ZFPM1: variants seen among roughly 807,000 people sequenced by gnomAD.
The protein encoded by ZFPM1 is zinc finger protein, FOG family member 1, also known as zinc finger protein ZFPM1.
Under a neutral mutation model 46.3 loss-of-function variants are expected in ZFPM1, and 28 were observed. That is an observed-to-expected ratio of 0.60 (90% CI 0.45 to 0.83). The LOEUF is 0.83. Ranked by LOEUF, ZFPM1 falls within the 40% of genes least tolerant of loss-of-function variation. ZFPM1 has a pLI of 0.00. For missense variants in ZFPM1, 1,878 were observed against 1,432.4 expected (o/e 1.31, Z -5.02); for synonymous variants, 957 against 675.9 (o/e 1.42, Z -6.45).
At chr16:88,489,437 G>T in intron 3 of ZFPM1, 1 of 388,932 alleles carries the variant, frequency 2.6e-6, no homozygotes, top group South Asian at 5.0e-5. Context: ...GATCCAGAGT[G>T]GTGGCTGGTA....
chr16:88,519,752 G>A (rs1360548250), intron 4 of ZFPM1, among the ~76,000 whole-genome samples: 1 of 147,796 alleles, frequency 6.8e-6, no homozygotes, highest in Non-Finnish European at 1.5e-5. Context: ...ATGAATAGAT[G>A]GACAGATGGA....
At chr16:88,504,841 C>T (rs905706589) in intron 3 of ZFPM1, among the ~76,000 whole-genome samples, 1 of 152,202 alleles carries the variant, frequency 6.6e-6, no homozygotes, top group African/African-American at 2.4e-5. Context: ...CCCACTGCCC[C>T]TGTGGGGCCA....
At chr16:88,485,604 T>G (rs966502296) in intron 1 of ZFPM1, among the ~76,000 whole-genome samples, 5 of 152,110 alleles carry the variant, frequency 3.3e-5, no homozygotes, top group Middle Eastern at 3.4e-3. Context: ...CACACCCAGC[T>G]AATTTTTGTA....
chr16:88,483,004 C>A (rs370243475), intron 1 of ZFPM1, among the ~76,000 whole-genome samples: 5 of 152,192 alleles, frequency 3.3e-5, no homozygotes, highest in Non-Finnish European at 7.4e-5. Context: ...GTTGGGCCTC[C>A]TGTCCCAGGG....
In ZFPM1 at chr16:88,534,879, G is replaced by T; in HGVS notation, c.2921G>T (p.Arg974Leu). Residue 974 changes from arginine (R) to leucine (L), a missense_variant, in exon 10 of 10, where the codon CGG becomes CTG. Coordinates refer to ENST00000319555, the MANE Select transcript of ZFPM1 (RefSeq NM_153813.3). ...GCGCCGCTGCCCAACGGCAACCACC[G>T]GTACTGCCGTCTTTGCAACATCAAG... is the stretch of plus-strand genomic sequence containing the variant. Reference protein sequence around the residue: ...TPAPLPNGNHRYCRLCNIKFS... With the variant: ...TPAPLPNGNHLYCRLCNIKFS... The T allele has an allele frequency of 6.4e-7, 1 of 1,567,440 alleles. No homozygotes were observed. The highest frequency in any genetic ancestry group is 8.6e-7 in the Non-Finnish European group (1 of 1,161,930).
In ZFPM1 at chr16:88,535,663, C is replaced by T. The variant is rs1913218863; in HGVS notation, c.*684C>T. On this transcript the variant is annotated 3_prime_UTR_variant, in exon 10 of 10. Coordinates refer to ENST00000319555, the MANE Select transcript of ZFPM1 (RefSeq NM_153813.3). ...GAGGGAGACCGAGGCCGAAGCATTCCCTGGCCTCGAGGGGGTCCTGATGCT... is the reference window on the plus strand; with the variant it reads ...GAGGGAGACCGAGGCCGAAGCATTCTCTGGCCTCGAGGGGGTCCTGATGCT... The T allele has an allele frequency of 6.6e-6, 1 of 152,326 alleles. No homozygotes were observed. Among genetic ancestry groups the T allele is most frequent in the Non-Finnish European group, 1.5e-5 (1 of 68,110 alleles). The allele number at this position is 152,326 out of a possible 1,614,324, so 9.4% of individuals were successfully genotyped here.
chr16:88,451,926 C>G (rs980941706), upstream of ZFPM1, among the ~76,000 whole-genome samples: 80 of 152,186 alleles, frequency 5.3e-4, no homozygotes, highest in Non-Finnish European at 5.4e-4. Flanking sequence ...CTCTCCTGTA[C>G]CAGGCTCTGA....
In ZFPM1 at chr16:88,534,386, G is replaced by A; in HGVS notation, c.2428G>A (p.Ala810Thr). ...KPRRPLPGAPAPALADYHECT... is the reference protein window; with the variant it reads ...KPRRPLPGAPTPALADYHECT... ...GCGGCGCCCGCTCCCCGGAGCCCCG[G>A]CACCGGCGCTGGCCGACTACCACGA... The change falls in exon 10 of 10, where the codon GCA becomes ACA. Residue 810 changes from alanine to threonine, a missense_variant. Ala to Thr is a moderately conservative substitution (Grantham distance 58). Coordinates refer to ENST00000319555, the MANE Select transcript of ZFPM1 (RefSeq NM_153813.3). 2.1e-6 allele frequency: 3 copies of A among 1,462,550 alleles called. No individual in the cohort carries two copies. Among genetic ancestry groups the A allele is most frequent in the Non-Finnish European group, 2.7e-6 (3 of 1,112,750 alleles). 90.6% of individuals were successfully genotyped at this position (1,462,550 alleles called of 1,614,324 possible).
rs563913475 is a variant in ZFPM1, at chr16:88,486,068, C to T, written c.145+25C>T. On this transcript the variant is annotated intron_variant, in intron 2 of 9. Coordinates refer to ENST00000319555, the MANE Select transcript of ZFPM1 (RefSeq NM_153813.3). ...GGTGAGTCAGACTGAGCCCTCTCAC[C>T]GCGCCTCCAGCCGGGGCCTCCATTG... is the stretch of plus-strand genomic sequence containing the variant. 23 of 1,599,056 alleles carry T rather than the reference C, an allele frequency of 1.4e-5. No individual in the cohort carries two copies. The East Asian group carries it at 1.6e-4, about 11-fold the overall frequency.
Position 88,533,750 on chromosome 16 carries a change from C to A in ZFPM1, c.1792C>A (p.Leu598Ile). 1 of 1,483,460 alleles carries A rather than the reference C, an allele frequency of 6.7e-7. No homozygotes were observed. Among genetic ancestry groups the A allele is most frequent in the Non-Finnish European group, 9.0e-7 (1 of 1,110,758 alleles). 91.9% of individuals were successfully genotyped at this position (1,483,460 alleles called of 1,614,324 possible). ...CAACAACTACTACGTGCACAAGCGC[C>A]TCTACTGTTCAGGCCGCCGTGCGCC... ...NVNNYYVHKR[L>I]YCSGRRAPED... Residue 598 changes from leucine (L) to isoleucine (I), a missense_variant, in exon 10 of 10, where the codon CTC (leucine) becomes ATC (isoleucine). By Grantham distance (5) the Leu-to-Ile change is conservative. Coordinates refer to ENST00000319555, the MANE Select transcript of ZFPM1 (RefSeq NM_153813.3).
chr16:88,453,837 TCTC>T (rs1455463003), intron 1 of ZFPM1, among the ~76,000 whole-genome samples, 159 bp downstream of exon 1: 2 of 151,178 alleles, frequency 1.3e-5, no homozygotes, highest in Admixed American at 6.6e-5. Context: ...CGTAATCTAA[TCTC>T]CGCCGGCGGC....
chr16:88,529,842 G>T lies in ZFPM1; in HGVS notation c.712+1604G>T, dbSNP rs578160877. 2.6e-5 allele frequency among the ~76,000 whole-genome samples: 4 copies of T among 152,326 alleles called. No individual in the cohort carries two copies. In the East Asian group the frequency reaches 7.7e-4, roughly 29 times the overall value. On this transcript the variant is annotated intron_variant, in intron 6 of 9. Coordinates refer to ENST00000319555, the MANE Select transcript of ZFPM1 (RefSeq NM_153813.3). ...AGGGGCCAGCTGGCCAGAGGGGGAT[G>T]GGCTTGTGTGCCTGGTAGCCAGGAC...
chr16:88,531,935 G>A (rs1418578406), intron 6 of ZFPM1, 67 bp from the exon 7 acceptor site: 19 of 1,478,536 alleles, frequency 1.3e-5, no homozygotes, highest in Middle Eastern at 2.2e-4. Flanking sequence ...CCCTGCCTCC[G>A]CCCACAGCCT....
At position 88,501,240 on chromosome 16, in the gene ZFPM1, C is replaced by A. The variant is rs12920431; in HGVS notation, c.268+12087C>A. ...GATAGCGGGTGTGGGTGCATGGGCT[C>A]TCCCGCAGGTACTGGTGATGATGGA... On this transcript the variant is annotated intron_variant, in intron 3 of 9. Transcript: ENST00000319555. 8.3e-4 allele frequency among the ~76,000 whole-genome samples: 77 copies of A among 92,650 alleles called. 1 individual carries two copies. Among genetic ancestry groups the A allele is most frequent in the African/African-American group, 1.8e-3 (37 of 20,400 alleles). The allele number at this position is 92,650 out of a possible 152,430, so 60.8% of individuals were successfully genotyped here. A position where few individuals can be genotyped will look rare whatever the true frequency, so the allele number is the denominator to read the frequency against.
intron 6 of ZFPM1, among the ~76,000 whole-genome samples, chr16:88,531,445 G>C (rs1472479670): frequency 6.6e-6 from 1 of 152,174 alleles, no homozygotes; most frequent in Non-Finnish European, 1.5e-5. Flanking sequence ...AGCCGCCCAG[G>C]TGTGTGGGCG....
intron 7 of ZFPM1, 98 bp downstream of exon 7, chr16:88,532,333 G>C: frequency 8.2e-7 from 1 of 1,220,818 alleles, no homozygotes; most frequent in African/African-American, 1.5e-5. Context: ...AGCACACACG[G>C]TGCCACCATT....
intron 1 of ZFPM1, among the ~76,000 whole-genome samples, chr16:88,465,467 CA>C (rs1395063766): frequency 2.0e-5 from 3 of 152,246 alleles, no homozygotes; most frequent in Non-Finnish European, 2.9e-5. Context: ...CCCCACCTGT[CA>C]AATGAGTGGG....
Position 88,535,055 on chromosome 16 carries a change from G to A in ZFPM1, c.*76G>A. 7.5e-7 allele frequency: 1 copy of A among 1,341,316 alleles called. No individual in the cohort carries two copies. Among genetic ancestry groups the A allele is most frequent in the Non-Finnish European group, 9.6e-7 (1 of 1,040,460 alleles). The allele number at this position is 1,341,316 out of a possible 1,614,324, so 83.1% of individuals were successfully genotyped here. A position where few individuals can be genotyped will look rare whatever the true frequency, so the allele number is the denominator to read the frequency against. ...GAGGGGGCCGCCCCCAGGCCGCACG[G>A]ACTGCCGCTCCTGGGAACCCCGCCA... is the stretch of plus-strand genomic sequence containing the variant. On this transcript the variant is annotated 3_prime_UTR_variant, in exon 10 of 10. Coordinates refer to ENST00000319555, the MANE Select transcript of ZFPM1 (RefSeq NM_153813.3).
intron 3 of ZFPM1, among the ~76,000 whole-genome samples, chr16:88,502,116 C>G (rs937681996): frequency 7.2e-6 from 1 of 138,848 alleles, no homozygotes; most frequent in Non-Finnish European, 1.5e-5. Flanking sequence ...ATTTATCTCT[C>G]CTCCTTCTCT....
Sources: allele counts gnomAD v4.1 joint callset (sites outside exome capture counted in the v4.1 genomes callset), GRCh38; gene constraint gnomAD v4.1.1; transcripts MANE v1.5; gene names NCBI Gene and HGNC (gene_info 2026-07-23, HGNC 2026-07-21).